Variants in SNTG1 observed in about 807,000 individuals in gnomAD.
SNTG1 encodes gamma-1-syntrophin.
In SNTG1, 39 loss-of-function variants were observed where a neutral mutation model predicts 74.7. That is an observed-to-expected ratio of 0.52 (90% CI 0.40 to 0.68). SNTG1 has a LOEUF of 0.68. Among genes scored for constraint, SNTG1 ranks in the 30% least tolerant of loss-of-function variants. The pLI is 0.00. For missense variants in SNTG1, 685 were observed against 609.5 expected (o/e 1.12, Z -1.30); for synonymous variants, 254 against 217.1 (o/e 1.17, Z -1.49).
chr8:50,464,648 G>C (rs973817008), intron 8 of SNTG1, among the ~76,000 whole-genome samples: 12 of 152,032 alleles, frequency 7.9e-5, no homozygotes, highest in Non-Finnish European at 1.6e-4. Flanking sequence ...GCTGATGCAG[G>C]AGGATCACTT....
intron 1 of SNTG1, among the ~76,000 whole-genome samples, chr8:50,084,375 G>A (rs948175918): frequency 1.3e-5 from 2 of 152,106 alleles, no homozygotes; most frequent in African/African-American, 2.4e-5. Context: ...GCAGAGAATT[G>A]CTTGAATCCT....
In SNTG1 at chr8:50,196,509, C is replaced by G. The variant is rs1258131932; in HGVS notation, c.-28+23874C>G. Among the ~76,000 whole-genome samples, 4 of 152,240 alleles carry G rather than the reference C, an allele frequency of 2.6e-5. No individual in the cohort carries two copies. The East Asian group carries it at 7.7e-4, about 29-fold the overall frequency. On this transcript the variant is annotated intron_variant, in intron 2 of 18. Transcript: ENST00000642720. ...GTGTGGATGGTTGAAGGATCTCTCT[C>G]TCTCATTTGTTTTGGATTATTTGGA...
intron 15 of SNTG1, among the ~76,000 whole-genome samples, chr8:50,699,386 A>T (rs7009493): frequency 0.073 from 11,136 of 152,162 alleles, 1,109 homozygotes; most frequent in African/African-American, 0.22. Context: ...GCCCTTTGGT[A>T]TAGTGAGTTT....
intron 1 of SNTG1, among the ~76,000 whole-genome samples, chr8:50,077,296 A>G (rs568896470): frequency 2.0e-5 from 3 of 152,314 alleles, no homozygotes; most frequent in African/African-American, 7.2e-5. Flanking sequence ...GGATAACTAA[A>G]GAAACATTTT....
At chr8:50,334,205 A>G (rs1203860773) in intron 2 of SNTG1, among the ~76,000 whole-genome samples, 1 of 152,078 alleles carries the variant, frequency 6.6e-6, no homozygotes, top group East Asian at 1.9e-4. Flanking sequence ...CCAGGAGCAC[A>G]TTTTTCTAAA....
chr8:50,361,576 C>G (rs989192874), intron 2 of SNTG1, among the ~76,000 whole-genome samples: 5 of 152,164 alleles, frequency 3.3e-5, no homozygotes, highest in Non-Finnish European at 7.4e-5. Context: ...GCTGGGATTA[C>G]AGGTGCATGC....
intron 1 of SNTG1, among the ~76,000 whole-genome samples, chr8:49,917,878 G>C (rs774751037): frequency 2.0e-5 from 3 of 152,136 alleles, no homozygotes; most frequent in African/African-American, 4.8e-5. Flanking sequence ...AAGAGTCCTC[G>C]ACTCAGCTCT....
At chr8:49,940,163 G>A (rs754515892) in intron 1 of SNTG1, among the ~76,000 whole-genome samples, 15 of 152,078 alleles carry the variant, frequency 9.9e-5, no homozygotes, top group South Asian at 2.1e-4. Context: ...GTGGCAGGAT[G>A]GCACAAACCA....
At chr8:49,987,309 G>A (rs1813255574) in intron 1 of SNTG1, among the ~76,000 whole-genome samples, 1 of 152,126 alleles carries the variant, frequency 6.6e-6, no homozygotes, top group African/African-American at 2.4e-5. Flanking sequence ...ATAATTTCCA[G>A]AATGGCAATG....
chr8:50,528,879 T>A (rs1450561987), intron 9 of SNTG1, among the ~76,000 whole-genome samples: 1 of 151,674 alleles, frequency 6.6e-6, no homozygotes, highest in African/African-American at 2.4e-5. Flanking sequence ...ATTAATTTTC[T>A]TTATTATTTT....
At chr8:50,215,976 G>A (rs1052911872) in intron 2 of SNTG1, among the ~76,000 whole-genome samples, 2 of 152,116 alleles carry the variant, frequency 1.3e-5, no homozygotes, top group Non-Finnish European at 2.9e-5. Flanking sequence ...AAGATTTATT[G>A]TAAAATCAAG....
intron 2 of SNTG1, among the ~76,000 whole-genome samples, chr8:50,338,766 C>T (rs150191618): frequency 7.2e-5 from 11 of 151,936 alleles, no homozygotes; most frequent in Non-Finnish European, 1.3e-4. Flanking sequence ...GAAACAGAAC[C>T]GTATACCCAA....
chr8:50,586,327 GATA>G (rs759016620), intron 12 of SNTG1, among the ~76,000 whole-genome samples: 1 of 152,230 alleles, frequency 6.6e-6, no homozygotes, highest in Non-Finnish European at 1.5e-5. Flanking sequence ...AAGGGATCTA[GATA>G]TTTGATAATT....
chr8:50,062,731 G>A (rs1408083266), intron 1 of SNTG1, among the ~76,000 whole-genome samples: 1 of 152,040 alleles, frequency 6.6e-6, no homozygotes, highest in Non-Finnish European at 1.5e-5. Context: ...TGAGAACTTT[G>A]AAAGATAATT....
At chr8:50,481,522 G>A (rs1311281103) in intron 8 of SNTG1, among the ~76,000 whole-genome samples, 3 of 152,166 alleles carry the variant, frequency 2.0e-5, no homozygotes, top group Admixed American at 1.3e-4. Flanking sequence ...GGAATGTGAA[G>A]ATTTTATGTT....
chr8:50,327,043 AGT>A (rs1470867208), intron 2 of SNTG1, among the ~76,000 whole-genome samples: 1 of 152,060 alleles, frequency 6.6e-6, no homozygotes, highest in Non-Finnish European at 1.5e-5. Context: ...GTTCCATTGT[AGT>A]GTGAGAGCAT....
At chr8:49,964,784 T>C (rs1810995493) in intron 1 of SNTG1, among the ~76,000 whole-genome samples, 1 of 152,214 alleles carries the variant, frequency 6.6e-6, no homozygotes, top group South Asian at 2.1e-4. Context: ...TGATAGTAGG[T>C]ATTCATTAGT....
chr8:50,049,786 A>G (rs922431688), intron 1 of SNTG1, among the ~76,000 whole-genome samples: 4 of 152,162 alleles, frequency 2.6e-5, no homozygotes, highest in Admixed American at 6.6e-5. Flanking sequence ...ATTAAAATAG[A>G]AATCAATAAT....
chr8:50,183,770 A>G (rs879843991), intron 2 of SNTG1, among the ~76,000 whole-genome samples: 1 of 152,150 alleles, frequency 6.6e-6, no homozygotes, highest in Non-Finnish European at 1.5e-5. Context: ...CAGCCCAGTC[A>G]TGACTCTTAC....
Sources: allele counts gnomAD v4.1 joint callset (sites outside exome capture counted in the v4.1 genomes callset), GRCh38; gene constraint gnomAD v4.1.1; transcripts MANE v1.5; gene names NCBI Gene and HGNC (gene_info 2026-07-23, HGNC 2026-07-21).